PRRC2C: variants seen among roughly 807,000 people sequenced by gnomAD.
PRRC2C encodes the protein proline rich coiled-coil 2C, also known as protein PRRC2C.
PRRC2C carries 72 observed loss-of-function variants against 317.2 expected under a neutral mutation model. That is an observed-to-expected ratio of 0.23 (90% CI 0.19 to 0.28). PRRC2C has a LOEUF of 0.28. Among genes scored for constraint, PRRC2C ranks in the 10% least tolerant of loss-of-function variants. PRRC2C has a pLI of 1.00. For synonymous variants in PRRC2C, 1,296 were observed against 1,205.9 expected, an observed-to-expected ratio of 1.07 and a Z score of -1.55; for missense variants, 3,074 against 3,459.7, an observed-to-expected ratio of 0.89 and a Z score of 2.80.
At chr1:171,559,329 ACT>A (rs1451708081) in intron 19 of PRRC2C, among the ~76,000 whole-genome samples, 1 of 152,034 alleles carries the variant, frequency 6.6e-6, no homozygotes, top group Admixed American at 6.6e-5. Context: ...GGACAGGCTA[ACT>A]CTCTTGTTAG....
At position 171,522,159 on chromosome 1, in the gene PRRC2C, T is replaced by A; in HGVS notation, c.751-18T>A. 2.7e-6 allele frequency: 4 copies of A among 1,460,258 alleles called. No homozygotes were observed. Among genetic ancestry groups the A allele is most frequent in the Non-Finnish European group, 3.7e-6 (4 of 1,071,862 alleles). The allele number at this position is 1,460,258 out of a possible 1,614,324, so 90.5% of individuals were successfully genotyped here. On this transcript the variant is annotated intron_variant, in intron 6 of 34. Transcript: ENST00000647382. ...TAGGTTGCTAAATTTATCACAATTT[T>A]TTGTTTCCTTCATTCAGATGTTCCA... is the stretch of plus-strand genomic sequence containing the variant.
intron 11 of PRRC2C, among the ~76,000 whole-genome samples, chr1:171,529,094 C>T (rs181198262): frequency 1.3e-5 from 2 of 152,266 alleles, no homozygotes; most frequent in African/African-American, 4.8e-5. Context: ...CTGGCCTATC[C>T]TTAAAACACT....
At chr1:171,513,800 A>G (rs1671817312) in intron 3 of PRRC2C, among the ~76,000 whole-genome samples, 1 of 152,196 alleles carries the variant, frequency 6.6e-6, no homozygotes, top group Admixed American at 6.5e-5. Flanking sequence ...TCAAAATTCT[A>G]TACTCCTGCC....
chr1:171,492,876 C>G (rs559330645), intron 1 of PRRC2C, among the ~76,000 whole-genome samples: 1 of 151,666 alleles, frequency 6.6e-6, no homozygotes. Flanking sequence ...CTCAGCAGCC[C>G]GAGTAGCTGG....
At chr1:171,524,760 TA>T in intron 9 of PRRC2C, 60 bp from the exon 10 acceptor site, 1 of 1,438,720 alleles carries the variant, frequency 7.0e-7, no homozygotes, top group African/African-American at 1.5e-5. Context: ...ATTGCAAAAA[TA>T]ATGTGTGTAC....
intron 19 of PRRC2C, among the ~76,000 whole-genome samples, chr1:171,558,582 G>A (rs2102650334): frequency 6.6e-6 from 1 of 152,272 alleles, no homozygotes; most frequent in African/African-American, 2.4e-5. Context: ...ATGGTGGTCA[G>A]TTATCTTTGA....
intron 23 of PRRC2C, 54 bp from the exon 24 acceptor site, chr1:171,571,266 G>T: frequency 9.6e-7 from 1 of 1,046,744 alleles, no homozygotes. Context: ...CTTTAATGGG[G>T]CTTTCGTAGT....
chr1:171,584,026 A>G lies in PRRC2C; in HGVS notation c.7480A>G (p.Asn2494Asp). ...GGTCCTTTCTGGTACTGCTATTCACAACTTTCCAACTGTCCAACACCAAGA... is the reference window on the plus strand; with the variant it reads ...GGTCCTTTCTGGTACTGCTATTCACGACTTTCCAACTGTCCAACACCAAGA... ...SVVLSGTAIH[N>D]FPTVQHQELA... The change falls in exon 29 of 35, where the codon AAC becomes GAC. Residue 2494 changes from asparagine to aspartate, a missense_variant. Around this residue, in one of 11 missense-constraint regions of PRRC2C, gnomAD observed 490 missense variants for 663.1 expected, o/e 0.74. Transcript: ENST00000647382. 1.9e-6 allele frequency: 3 copies of G among 1,614,012 alleles called. No individual in the cohort carries two copies. Among genetic ancestry groups the G allele is most frequent in the Non-Finnish European group, 2.5e-6 (3 of 1,179,874 alleles).
chr1:171,558,102 A>T lies in PRRC2C; in HGVS notation c.5990A>T (p.Lys1997Met). Reference sequence around the variant, plus strand: ...CTGACAGCTGAATTATGGGATAACAAGGTGGCCCCACCAGCTGTGCTGAAT... The same window carrying T: ...CTGACAGCTGAATTATGGGATAACATGGTGGCCCCACCAGCTGTGCTGAAT... ...GTLTAELWDN[K>M]VAPPAVLNDI... Residue 1997 changes from lysine (K) to methionine (M), a missense_variant, in exon 19 of 35, where the codon AAG becomes ATG. Transcript: ENST00000647382. The T allele has an allele frequency of 6.2e-7, 1 of 1,613,796 alleles. No individual in the cohort carries two copies. Among genetic ancestry groups the T allele is most frequent in the South Asian group, 1.1e-5 (1 of 91,068 alleles).
intron 28 of PRRC2C, among the ~76,000 whole-genome samples, chr1:171,582,302 C>T: frequency 6.6e-6 from 1 of 152,146 alleles, no homozygotes; most frequent in East Asian, 1.9e-4. Flanking sequence ...GGAGAACAGG[C>T]CTTTTCACAG....
rs925353089 is a variant in PRRC2C at position 171,541,691 on chromosome 1, C to T, written c.4225C>T (p.Pro1409Ser). The T allele has an allele frequency of 2.5e-6, 4 of 1,613,858 alleles. No homozygotes were observed. The highest frequency in any genetic ancestry group is 3.4e-6 in the Non-Finnish European group (4 of 1,179,850). ...TCCTATAGCAGCAGATAAACGACCT[C>T]CAAAATTTGAGCGAAAATTTGACCC... ...FIPIAADKRP[P>S]KFERKFDPAR... Residue 1409 changes from proline (P) to serine (S), a missense_variant, in exon 16 of 35, where the codon CCA becomes TCA. Pro to Ser is a moderately conservative substitution (Grantham distance 74, BLOSUM62 -1). This residue lies in a region of PRRC2C where 1,320 missense variants were observed against 1,395.7 expected (regional missense o/e 0.95). Coordinates refer to ENST00000647382, the MANE Select transcript of PRRC2C (RefSeq NM_001387844.1). This position sits in a 1 kb window ranked among gnomAD's most constrained non-coding sequence, Gnocchi z 4.1.
chr1:171,588,742 T>C (rs1290636210), intron 33 of PRRC2C, among the ~76,000 whole-genome samples: 1 of 152,212 alleles, frequency 6.6e-6, no homozygotes, highest in East Asian at 1.9e-4. Context: ...CCCACACAGC[T>C]CTGATAATGA....
At chr1:171,547,266 T>C (rs1679287050) in intron 17 of PRRC2C, among the ~76,000 whole-genome samples, 1 of 152,142 alleles carries the variant, frequency 6.6e-6, no homozygotes, top group Non-Finnish European at 1.5e-5. Context: ...AAGTAATATC[T>C]CTAACCTAAA....
intron 17 of PRRC2C, among the ~76,000 whole-genome samples, chr1:171,547,859 G>A (rs1375991498): frequency 1.3e-5 from 2 of 152,014 alleles, no homozygotes; most frequent in Non-Finnish European, 2.9e-5. Flanking sequence ...CGCCATGTTG[G>A]CCAGGCAGCT....
intron 28 of PRRC2C, among the ~76,000 whole-genome samples, chr1:171,583,421 A>G (rs982380545): frequency 5.3e-4 from 80 of 152,170 alleles, no homozygotes; most frequent in African/African-American, 1.8e-3. Context: ...CTACCTCCAC[A>G]TCCTGTCCCA....
At chr1:171,578,729 G>A (rs1048640408) in intron 26 of PRRC2C, among the ~76,000 whole-genome samples, 2 of 152,076 alleles carry the variant, frequency 1.3e-5, no homozygotes, top group Non-Finnish European at 2.9e-5. Flanking sequence ...TTGGTTGGGC[G>A]TGGTGGCGCA....
At chr1:171,529,641 T>TA (rs1171670469) in intron 11 of PRRC2C, among the ~76,000 whole-genome samples, 1 of 152,234 alleles carries the variant, frequency 6.6e-6, no homozygotes, top group East Asian at 1.9e-4. Context: ...TCTTGACAGA[T>TA]ACTGCTTTCC....
chr1:171,566,949 ACT>A, intron 22 of PRRC2C, 106 bp downstream of exon 22: 5 of 1,231,858 alleles, frequency 4.1e-6, no homozygotes, highest in Non-Finnish European at 5.5e-6. Context: ...GAGGCATATA[ACT>A]CTATAGATTA....
At chr1:171,550,578 G>A (rs961327685) in intron 18 of PRRC2C, among the ~76,000 whole-genome samples, 17 of 149,818 alleles carry the variant, frequency 1.1e-4, no homozygotes, top group Admixed American at 6.7e-4. Context: ...TTAACTCATC[G>A]TTTACACTAG....
Sources: gnomAD v4.1 joint callset for allele counts (sites outside exome capture counted in the v4.1 genomes callset) on GRCh38, gnomAD v4.1.1 for gene constraint, gnomAD v4.1.1 regional missense constraint, Gnocchi (gnomAD v3.1) non-coding constraint, MANE v1.5 for transcripts, NCBI Gene and HGNC (gene_info 2026-07-23, HGNC 2026-07-21) for gene names.